The following KCNJ10 variants were observed in gnomAD, a reference collection of about 807,000 sequenced individuals.
The protein encoded by KCNJ10 is ATP-sensitive inward rectifier potassium channel 10.
In KCNJ10, 9 loss-of-function variants were observed where a neutral mutation model predicts 22.2. The observed-to-expected ratio is 0.40, with a 90% CI of 0.24 to 0.71. The LOEUF (loss-of-function observed/expected upper bound fraction) is 0.71. Among genes scored for constraint, KCNJ10 ranks in the 30% least tolerant of loss-of-function variants. The pLI is 0.35. For missense variants in KCNJ10, 337 were observed against 482.7 expected, an observed-to-expected ratio of 0.70 and a Z score of 2.83; for synonymous variants, 184 against 187.3, an observed-to-expected ratio of 0.98 and a Z score of 0.15.
chr1:160,062,532 G>A (rs1299830742), intron 1 of KCNJ10: 5 of 152,182 alleles, frequency 3.3e-5, no homozygotes, highest in Admixed American at 2.6e-4. Flanking sequence ...GCTCCCCTGG[G>A]GGCACTGCCC....
intron 1 of KCNJ10, among the ~76,000 whole-genome samples, chr1:160,066,801 C>G (rs565907732): frequency 6.6e-6 from 1 of 152,298 alleles, no homozygotes; most frequent in African/African-American, 2.4e-5. Context: ...TCACTCCTCT[C>G]GGAAGCTTTA....
At chr1:160,048,185 A>G (rs973293375) in intron 1 of KCNJ10, among the ~76,000 whole-genome samples, 1 of 87,150 alleles carries the variant, frequency 1.1e-5, no homozygotes, top group Non-Finnish European at 2.4e-5. Context: ...TTTGTTAAGA[A>G]AGAGTAAGGG....
At chr1:160,057,742 G>A (rs1199920999) in intron 1 of KCNJ10, among the ~76,000 whole-genome samples, 26 of 152,218 alleles carry the variant, frequency 1.7e-4, no homozygotes, top group Admixed American at 1.7e-3. Context: ...GGTATGATGA[G>A]ACCTATTCCT....
rs375361490 is a variant in KCNJ10, at chr1:160,042,232, G to T, written c.301C>A (p.Pro101Thr). The change falls in exon 2 of 2, where the codon CCC becomes ACC. Residue 101 changes from proline (P) to threonine (T), a missense_variant. Pro to Thr is a conservative substitution (Grantham distance 38). Transcript: ENST00000644903. ...VAHGDLLELD[P>T]PANHTPCVVQ... ...ACACAGGGGGTGTGGTTGGCCGGGG[G>T]GTCCAGCTCCAGCAGGTCCCCATGT... is the stretch of plus-strand genomic sequence containing the variant. The T allele has an allele frequency of 1.6e-4, 265 of 1,613,826 alleles. 1 individual carries two copies. Among genetic ancestry groups the T allele is most frequent in the South Asian group, 1.5e-3 (135 of 91,060 alleles).
chr1:160,042,299 T>A lies in KCNJ10; in HGVS notation c.234A>T (p.Thr78=), dbSNP rs748359138. Residue 78 remains threonine, a synonymous_variant, in exon 2 of 2, where the codon ACA becomes ACT. Coordinates refer to ENST00000644903, the MANE Select transcript of KCNJ10 (RefSeq NM_002241.5). The part of the protein sequence containing the change: ...LLLFSATFAG[T]WFLFGVVWYL... ...ACCACACCACGCCAAAGAGGAACCA[T>A]GTGCCTGCAAAGGTCGCAGAGAAGA... 4 of 1,613,790 alleles carry A rather than the reference T, an allele frequency of 2.5e-6. No homozygotes were observed. Among genetic ancestry groups the A allele is most frequent in the Non-Finnish European group, 2.5e-6 (3 of 1,179,680 alleles).
chr1:160,057,373 C>G (rs1361148347), intron 1 of KCNJ10, among the ~76,000 whole-genome samples: 4 of 152,228 alleles, frequency 2.6e-5, no homozygotes, highest in African/African-American at 9.7e-5. Context: ...TCAAGTTACA[C>G]CATCCCTTCG....
chr1:160,052,408 A>G (rs1479364345), intron 1 of KCNJ10, among the ~76,000 whole-genome samples: 2 of 152,168 alleles, frequency 1.3e-5, no homozygotes, highest in Admixed American at 6.5e-5. Context: ...GAGGGCTTAC[A>G]TAATCCTTGC....
chr1:160,038,131 T>G lies in KCNJ10; in HGVS notation c.*3262A>C, dbSNP rs1334143944. On this transcript the variant is annotated 3_prime_UTR_variant, in exon 2 of 2. Coordinates refer to ENST00000644903, the MANE Select transcript of KCNJ10 (RefSeq NM_002241.5). ...GGCATTTGGATTCCAGGGTTGAGGCTTCCCATTAGTGCCTCCCATACACCA... is the reference window on the plus strand; with the variant it reads ...GGCATTTGGATTCCAGGGTTGAGGCGTCCCATTAGTGCCTCCCATACACCA... 6.6e-6 allele frequency: 1 copy of G among 152,226 alleles called. No individual in the cohort carries two copies. The highest frequency in any genetic ancestry group is 1.5e-5 in the Non-Finnish European group (1 of 68,042). The allele number at this position is 152,226 out of a possible 1,614,324, so 9.4% of individuals were successfully genotyped here. A position where few individuals can be genotyped will look rare whatever the true frequency, so the allele number is the denominator to read the frequency against.
intron 1 of KCNJ10, among the ~76,000 whole-genome samples, chr1:160,057,004 T>C (rs1649057351): frequency 6.6e-6 from 1 of 152,162 alleles, no homozygotes; most frequent in African/African-American, 2.4e-5. Context: ...TGTATTCTCC[T>C]TTCCCGCTAT....
chr1:160,057,042 G>T (rs538916894), intron 1 of KCNJ10, among the ~76,000 whole-genome samples: 10 of 152,266 alleles, frequency 6.6e-5, no homozygotes, highest in African/African-American at 2.4e-4. Flanking sequence ...TCACTTACTA[G>T]CTAGGGGAAC....
At chr1:160,049,685 A>ATATATATATATATATATATATATT (rs1557970378) in intron 1 of KCNJ10, among the ~76,000 whole-genome samples, 28 of 98,824 alleles carry the variant, frequency 2.8e-4, no homozygotes, top group African/African-American at 1.4e-3. Flanking sequence ...TTATATATAT[A>ATATATATATATATATATATATATT]TATATATATA....
At chr1:160,069,514 G>A (rs1230383957) in intron 1 of KCNJ10, among the ~76,000 whole-genome samples, 1 of 152,102 alleles carries the variant, frequency 6.6e-6, no homozygotes, top group Non-Finnish European at 1.5e-5. Context: ...AGCACACCAG[G>A]CTTTGGTGGC....
At chr1:160,052,924 ATGT>A (rs779127013) in intron 1 of KCNJ10, among the ~76,000 whole-genome samples, 1 of 152,210 alleles carries the variant, frequency 6.6e-6, no homozygotes, top group Non-Finnish European at 1.5e-5. Context: ...TTGAGGGAAA[ATGT>A]TGTTTTAATA....
intron 1 of KCNJ10, among the ~76,000 whole-genome samples, chr1:160,064,162 G>A (rs994659898): frequency 2.0e-5 from 3 of 152,208 alleles, no homozygotes; most frequent in Non-Finnish European, 2.9e-5. Context: ...GTCTTCTAAG[G>A]TTCCTCTAGA....
At chr1:160,051,792 C>T (rs74123225) in intron 1 of KCNJ10, among the ~76,000 whole-genome samples, 4,570 of 152,068 alleles carry the variant, frequency 0.03, 242 homozygotes, top group African/African-American at 0.1. Context: ...CTCCTCCCAA[C>T]GGTCTTCTCA....
At chr1:160,054,085 GAC>G (rs2101930831) in intron 1 of KCNJ10, among the ~76,000 whole-genome samples, 1 of 152,296 alleles carries the variant, frequency 6.6e-6, no homozygotes, top group African/African-American at 2.4e-5. Flanking sequence ...GCATCTTGGG[GAC>G]CCCCTGTTTC....
Position 160,070,015 on chromosome 1 carries a change from G to A in KCNJ10, c.-1+7C>T, listed in dbSNP as rs1649414184. 1 of 152,668 alleles carries A rather than the reference G, an allele frequency of 6.6e-6. No individual in the cohort carries two copies. Among genetic ancestry groups the A allele is most frequent in the South Asian group, 2.1e-4 (1 of 4,846 alleles). 9.5% of individuals were successfully genotyped at this position (152,668 alleles called of 1,614,324 possible). On this transcript the variant is annotated splice_region_variant and intron_variant, in intron 1 of 1. Coordinates refer to ENST00000644903, the MANE Select transcript of KCNJ10 (RefSeq NM_002241.5). The surrounding 1 kb of genome is among the most constrained non-coding windows in gnomAD (Gnocchi z 4.3). ...GCAGAACTCCTTCATCAGGGCCAGG[G>A]TCTTACCTTGGGTCCGAGGTGGAGT...
At chr1:160,046,908 C>T (rs148493425) in intron 1 of KCNJ10, among the ~76,000 whole-genome samples, 1 of 152,308 alleles carries the variant, frequency 6.6e-6, no homozygotes, top group African/African-American at 2.4e-5. Context: ...CGGCCAAATA[C>T]CAGAGACAGA....
At chr1:160,055,961 A>T (rs1649024840) in intron 1 of KCNJ10, among the ~76,000 whole-genome samples, 1 of 152,146 alleles carries the variant, frequency 6.6e-6, no homozygotes, top group Non-Finnish European at 1.5e-5. Flanking sequence ...TAACATGTTC[A>T]GACTCAGCGT....
Sources: allele counts gnomAD v4.1 joint callset (sites outside exome capture counted in the v4.1 genomes callset), GRCh38; gene constraint gnomAD v4.1.1; non-coding constraint Gnocchi (gnomAD v3.1); transcripts MANE v1.5; gene names NCBI Gene and HGNC (gene_info 2026-07-23, HGNC 2026-07-21).